KDM5B: variants seen among roughly 807,000 people sequenced by gnomAD.
KDM5B encodes lysine-specific demethylase 5B.
A neutral mutation model predicts 193.4 loss-of-function variants in KDM5B; 144 were observed. The ratio of observed to expected loss-of-function variants is 0.74; its 90% CI spans 0.65 to 0.86. The LOEUF is 0.86. Ranked by LOEUF, KDM5B falls within the 40% of genes least tolerant of loss-of-function variation. The pLI is 0.00. For synonymous variants in KDM5B, 668 were observed against 682.6 expected (o/e 0.98, Z 0.33); for missense variants, 1,833 against 1,886.9 (o/e 0.97, Z 0.53).
intron 1 of KDM5B, among the ~76,000 whole-genome samples, chr1:202,786,485 C>A (rs1466543943): frequency 2.0e-5 from 3 of 152,150 alleles, no homozygotes; most frequent in Non-Finnish European, 4.4e-5. Flanking sequence ...CTGTAGCCAG[C>A]AAACCTAGGT....
rs1034694925 is a variant in KDM5B at position 202,725,272 on chromosome 1, A to G, written c.*3764T>C. ...TGAAACATGAAAAACTTGTTCACAT[A>G]AATTTGAAGGGAGAAGTGAAAATAT... On this transcript the variant is annotated 3_prime_UTR_variant, in exon 27 of 27. Coordinates refer to ENST00000367265, the MANE Select transcript of KDM5B (RefSeq NM_006618.5). The G allele has an allele frequency of 3.3e-5, 5 of 152,274 alleles. No individual in the cohort carries two copies. Among genetic ancestry groups the G allele is most frequent in the Non-Finnish European group, 5.9e-5 (4 of 68,054 alleles). 9.4% of individuals were successfully genotyped at this position (152,274 alleles called of 1,614,324 possible).
At chr1:202,760,144 TC>T (rs1227020630) in intron 8 of KDM5B, among the ~76,000 whole-genome samples, 1 of 151,952 alleles carries the variant, frequency 6.6e-6, no homozygotes, top group East Asian at 1.9e-4. Context: ...TGAAACCCCC[TC>T]TGTACAAAGA....
chr1:202,750,003 ATGT>A, intron 13 of KDM5B, among the ~76,000 whole-genome samples: 1 of 152,230 alleles, frequency 6.6e-6, no homozygotes, highest in Non-Finnish European at 1.5e-5. Context: ...ACTGCAGATA[ATGT>A]AAGCTAGTAC....
At chr1:202,771,817 T>C (rs1402400955) in intron 4 of KDM5B, among the ~76,000 whole-genome samples, 1 of 150,914 alleles carries the variant, frequency 6.6e-6, no homozygotes, top group Non-Finnish European at 1.5e-5. Context: ...CTTGACCTCA[T>C]GATCCACCCA....
intron 1 of KDM5B, among the ~76,000 whole-genome samples, chr1:202,799,303 A>C (rs1335272658): frequency 2.6e-5 from 4 of 152,180 alleles, no homozygotes; most frequent in African/African-American, 9.7e-5. Flanking sequence ...CTATTTTTTA[A>C]AATCTAGAAA....
Position 202,777,210 on chromosome 1 carries a change from T to C in KDM5B, c.205-116A>G, listed in dbSNP as rs183656826. On this transcript the variant is annotated intron_variant, in intron 1 of 26. Coordinates refer to ENST00000367265, the MANE Select transcript of KDM5B (RefSeq NM_006618.5). ...TCTTATTCTAACCAATCAAACAAAA[T>C]AGAACACAGAGTAGTGGTTTCTCAA... 1,266 of 747,712 alleles carry C rather than the reference T, an allele frequency of 1.7e-3. 3 individuals are homozygous for C. The highest frequency in any genetic ancestry group is 2.6e-3 in the Non-Finnish European group (1,126 of 441,278). The allele number at this position is 747,712 out of a possible 1,614,324, so 46.3% of individuals were successfully genotyped here. A position where few individuals can be genotyped will look rare whatever the true frequency, so the allele number is the denominator to read the frequency against.
chr1:202,747,699 G>T (rs1159486885), intron 14 of KDM5B, among the ~76,000 whole-genome samples: 1 of 151,972 alleles, frequency 6.6e-6, no homozygotes, highest in East Asian at 1.9e-4. Flanking sequence ...CAAGTCAATT[G>T]TCTCTCTAAA....
chr1:202,746,369 T>C, intron 14 of KDM5B, 46 bp from the exon 15 acceptor site: 1 of 1,280,132 alleles, frequency 7.8e-7, no homozygotes. Flanking sequence ...GATAATATAA[T>C]CCACCAGCCC....
intron 1 of KDM5B, among the ~76,000 whole-genome samples, chr1:202,783,355 G>A (rs576768542): frequency 6.6e-6 from 1 of 151,846 alleles, no homozygotes; most frequent in South Asian, 2.1e-4. Flanking sequence ...AAAAAATTAA[G>A]TTAGCCAGGC....
intron 1 of KDM5B, among the ~76,000 whole-genome samples, chr1:202,787,383 G>C (rs1483365092): frequency 6.6e-6 from 1 of 151,888 alleles, no homozygotes; most frequent in African/African-American, 2.4e-5. Context: ...AAAAATTGAG[G>C]ACCTCAAAGA....
chr1:202,742,336 A>G (rs546402375), intron 18 of KDM5B, 55 bp downstream of exon 18: 22 of 1,192,990 alleles, frequency 1.8e-5, no homozygotes, highest in Non-Finnish European at 2.4e-5. Context: ...AATAGAGTTT[A>G]TATACAAAAT....
At chr1:202,737,447 A>G (rs1254901717) in intron 20 of KDM5B, among the ~76,000 whole-genome samples, 1 of 152,218 alleles carries the variant, frequency 6.6e-6, no homozygotes, top group Non-Finnish European at 1.5e-5. Flanking sequence ...CCAAACTAGG[A>G]GAGTAAAAGC....
At chr1:202,778,448 AT>A (rs1261765879) in intron 1 of KDM5B, among the ~76,000 whole-genome samples, 3 of 152,134 alleles carry the variant, frequency 2.0e-5, no homozygotes, top group Non-Finnish European at 4.4e-5. Context: ...GAGGTAGACA[AT>A]GGTAATGGCT....
At chr1:202,746,080 A>G (rs1655543289) in intron 15 of KDM5B, 62 bp downstream of exon 15, 4 of 1,578,700 alleles carry the variant, frequency 2.5e-6, no homozygotes, top group Non-Finnish European at 2.6e-6. Context: ...CTGCGGTATC[A>G]TTGAGCTTTT....
At chr1:202,798,663 C>G (rs1657950897) in intron 1 of KDM5B, among the ~76,000 whole-genome samples, 2 of 151,926 alleles carry the variant, frequency 1.3e-5, no homozygotes, top group Non-Finnish European at 2.9e-5. Flanking sequence ...GAGTTCGAGG[C>G]TCCAAGGAGC....
chr1:202,780,590 TAAAATG>T (rs1013136354), intron 1 of KDM5B, among the ~76,000 whole-genome samples: 2 of 152,076 alleles, frequency 1.3e-5, no homozygotes, highest in Non-Finnish European at 2.9e-5. Flanking sequence ...TCCTTCAAGT[TAAAATG>T]TAAGTATCAG....
At chr1:202,746,403 G>T in intron 14 of KDM5B, 80 bp from the exon 15 acceptor site, 12 of 718,918 alleles carry the variant, frequency 1.7e-5, no homozygotes, top group South Asian at 3.8e-5. Flanking sequence ...AGTAGTACTT[G>T]AGTCTGAAAA....
At chr1:202,729,683 C>T (rs1280064234) in intron 26 of KDM5B, 24 bp downstream of exon 26, 12 of 1,595,804 alleles carry the variant, frequency 7.5e-6, no homozygotes, top group East Asian at 2.2e-5. Flanking sequence ...AAAGCACGTC[C>T]TCTATGGCCC....
At chr1:202,773,348 T>A in intron 3 of KDM5B, 60 bp from the exon 4 acceptor site, 1 of 1,438,720 alleles carries the variant, frequency 7.0e-7, no homozygotes, top group Non-Finnish European at 9.7e-7. Flanking sequence ...CACATCTAAG[T>A]ATGACTCCAA....
Sources: allele counts gnomAD v4.1 joint callset (sites outside exome capture counted in the v4.1 genomes callset), GRCh38; gene constraint gnomAD v4.1.1; transcripts MANE v1.5; gene names NCBI Gene and HGNC (gene_info 2026-07-23, HGNC 2026-07-21).